ATG9B: variants seen among roughly 807,000 people sequenced by gnomAD.
The protein encoded by ATG9B is autophagy related 9B.
In ATG9B, 92 loss-of-function variants were observed where a neutral mutation model predicts 92.9. The ratio of observed to expected loss-of-function variants is 0.99; its 90% confidence interval spans 0.84 to 1.18. The LOEUF (loss-of-function observed/expected upper bound fraction) is 1.18. Among genes scored for constraint, ATG9B ranks in the 50% most tolerant of loss-of-function variants. ATG9B has a pLI of 0.00. For synonymous variants in ATG9B, 599 were observed against 551.4 expected (o/e 1.09, Z -1.21); for missense variants, 1,344 against 1,235.0 (o/e 1.09, Z -1.32).
chr7:151,014,102 A>G (rs1336567589), downstream of ATG9B: 2 of 1,613,658 alleles, frequency 1.2e-6, no homozygotes, highest in Non-Finnish European at 1.7e-6. Context: ...TCCTTGCAGG[A>G]GCGTCAGTTG....
At position 151,018,469 on chromosome 7, in the gene ATG9B, G is replaced by T; in HGVS notation, c.1719-22C>A. 1 of 1,521,186 alleles carries T rather than the reference G, an allele frequency of 6.6e-7. No individual in the cohort carries two copies. The allele number at this position is 1,521,186 out of a possible 1,614,324, so 94.2% of individuals were successfully genotyped here. On this transcript the variant is annotated intron_variant, in intron 6 of 13. Transcript: ENST00000639579. This position sits in a 1 kb window ranked among gnomAD's most constrained non-coding sequence, Gnocchi z 4.7. ...AGACCTGAAAGGCGGGATCCGTGGG[G>T]GGAAGGGGCCTGCGATTAGGAGGAC...
chr7:151,013,749 C>T (rs748809780), downstream of ATG9B: 6 of 1,610,276 alleles, frequency 3.7e-6, no homozygotes, highest in East Asian at 4.5e-5. Flanking sequence ...ATCCTGAGGA[C>T]GGAGCTGGCT....
chr7:151,024,255 G>A lies in ATG9B; in HGVS notation c.169C>T (p.Pro57Ser), dbSNP rs1318657984. Residue 57 changes from proline to serine, a missense_variant, in exon 1 of 14, where the codon CCT (proline) becomes TCT (serine). Transcript: ENST00000639579. Reference sequence around the variant, plus strand: ...GAGGAGGGGGAGCTTCTTGTATGAGGGGCAGGGGACAGAGAGAAGATGGAG... The same window carrying A: ...GAGGAGGGGGAGCTTCTTGTATGAGAGGCAGGGGACAGAGAGAAGATGGAG... ...RISIFSLSPAPHTRSSPSSFS... is the reference protein window; with the variant it reads ...RISIFSLSPASHTRSSPSSFS... 2 of 1,471,816 alleles carry A rather than the reference G, an allele frequency of 1.4e-6. No individual in the cohort carries two copies. The highest frequency in any genetic ancestry group is 2.6e-5 in the Admixed American group (1 of 39,124). The allele number at this position is 1,471,816 out of a possible 1,614,324, so 91.2% of individuals were successfully genotyped here.
intron 4 of ATG9B, 24 bp from the exon 5 acceptor site, chr7:151,021,353 G>C (rs564902557): frequency 1.5e-5 from 23 of 1,556,172 alleles, no homozygotes; most frequent in Middle Eastern, 3.8e-4. Flanking sequence ...GGCGGGCAGT[G>C]GGGGAGAAAG....
chr7:151,024,130 T>TG lies in ATG9B; in HGVS notation c.293dup (p.Thr99AsnfsTer50), dbSNP rs770350293. On this transcript the variant is annotated frameshift_variant, in exon 1 of 14. Transcript: ENST00000639579. LOFTEE classifies it high-confidence loss of function. Reference sequence around the variant, plus strand: ...GTGTCATTGCAGGTTGAGCCTGTGTTGGGGGGGTGGCTGGGATAGGGAGAG... The same window carrying TG: ...GTGTCATTGCAGGTTGAGCCTGTGTTGGGGGGGGTGGCTGGGATAGGGAGAG... 4.2e-5 allele frequency: 67 copies of TG among 1,590,786 alleles called. No homozygotes were observed. The highest frequency in any genetic ancestry group is 1.3e-4 in the African/African-American group (10 of 74,168).
Position 151,017,121 on chromosome 7 carries a change from A to G in ATG9B, c.2204T>C (p.Val735Ala). The part of the protein sequence containing the change: ...SKFLGHLWGR[V>A]QQDAAAWGAT... ...ACCCCAGGCAGCTGCATCTTGTTGT[A>G]CTCGGCCCCAGAGGTGCCCAAGAAA... The change falls in exon 9 of 14, where the codon GTA becomes GCA. Residue 735 changes from valine (V) to alanine (A), a missense_variant. Coordinates refer to ENST00000639579, the MANE Select transcript of ATG9B (RefSeq NM_001317056.2). 1.2e-6 allele frequency: 2 copies of G among 1,612,372 alleles called. No individual in the cohort carries two copies. The highest frequency in any genetic ancestry group is 1.7e-6 in the Non-Finnish European group (2 of 1,179,660).
At chr7:151,012,979 G>C, downstream of ATG9B, 1 of 520,800 alleles carries the variant, frequency 1.9e-6, no homozygotes, top group Non-Finnish European at 3.4e-6. Context: ...TTCTGAGTCC[G>C]AAGCCGCGCA....
At chr7:151,013,685 A>ACCCCCACCAGGGCCCG, downstream of ATG9B, 1 of 702,370 alleles carries the variant, frequency 1.4e-6, no homozygotes, top group Non-Finnish European at 2.3e-6. Flanking sequence ...CCCCGCGCCC[A>ACCCCCACCAGGGCCCG]CCCCCACCAG....
chr7:151,020,013 A>C (rs951427104), intron 5 of ATG9B: 1 of 152,292 alleles, frequency 6.6e-6, no homozygotes, highest in Non-Finnish European at 1.5e-5. Flanking sequence ...AAACAAAAAA[A>C]CAAAAAACCA....
Position 151,018,151 on chromosome 7 carries a change from T to C in ATG9B, c.1873-101A>G, listed in dbSNP as rs1311103185. 2.0e-6 allele frequency: 3 copies of C among 1,465,836 alleles called. No individual in the cohort carries two copies. The highest frequency in any genetic ancestry group is 2.7e-6 in the Non-Finnish European group (3 of 1,107,820). The allele number at this position is 1,465,836 out of a possible 1,614,324, so 90.8% of individuals were successfully genotyped here. ...GCGACCCTCGCCAGGGCAAGAAGCC[T>C]CCCCACCCAGTCACTCCCTAGACTC... On this transcript the variant is annotated intron_variant, in intron 7 of 13. Coordinates refer to ENST00000639579, the MANE Select transcript of ATG9B (RefSeq NM_001317056.2). The surrounding 1 kb of genome is among the most constrained non-coding windows in gnomAD (Gnocchi z 4.7).
intron 5 of ATG9B, chr7:151,020,916 TA>T: frequency 3.0e-6 from 1 of 333,604 alleles, no homozygotes; most frequent in South Asian, 5.7e-5. Context: ...CTCTTTTCTC[TA>T]ATCAATGTTT....
intron 11 of ATG9B, 55 bp from the exon 12 acceptor site, chr7:151,016,290 C>A: frequency 3.4e-6 from 5 of 1,475,384 alleles, no homozygotes; most frequent in African/African-American, 1.4e-5. Flanking sequence ...CAGGGCCAAG[C>A]ACCTGGGCTA....
intron 8 of ATG9B, 48 bp downstream of exon 8, chr7:151,017,823 C>A (rs764095506): frequency 1.3e-6 from 2 of 1,511,214 alleles, no homozygotes; most frequent in Non-Finnish European, 1.8e-6. Flanking sequence ...GAGAGGCAAG[C>A]GAACTCCCAC....
intron 10 of ATG9B, 32 bp downstream of exon 10, chr7:151,016,656 C>A (rs1424656814): frequency 6.4e-7 from 1 of 1,551,870 alleles, no homozygotes; most frequent in Admixed American, 1.9e-5. Flanking sequence ...CCCCCCTCCA[C>A]ATGCCCCTGC....
Position 151,023,029 on chromosome 7 carries a change from C to T in ATG9B, c.821+16G>A, listed in dbSNP as rs754019419. ...CCCATGCTTCACCCCCAGGGCCCCACCAGGTTGTCACTAACCTCTCAGCAC... is the reference window on the plus strand; with the variant it reads ...CCCATGCTTCACCCCCAGGGCCCCATCAGGTTGTCACTAACCTCTCAGCAC... On this transcript the variant is annotated intron_variant, in intron 4 of 13. Coordinates refer to ENST00000639579, the MANE Select transcript of ATG9B (RefSeq NM_001317056.2). 6.2e-7 allele frequency: 1 copy of T among 1,614,022 alleles called. No individual in the cohort carries two copies. The highest frequency in any genetic ancestry group is 2.2e-5 in the East Asian group (1 of 44,882).
downstream of ATG9B, chr7:151,013,371 A>G (rs1410531393): frequency 1.2e-6 from 2 of 1,612,906 alleles, no homozygotes; most frequent in Middle Eastern, 1.6e-4. Context: ...GGAACCTGAC[A>G]ACCCCAAGGT....
rs957715999 is a variant in ATG9B, at chr7:151,017,802, G to C, written c.2052+69C>G. ...GCAATGGAGCCAGGGCTGGAACTCA[G>C]GTCTGCTCCCGAGAGGCAAGCGAAC... is the stretch of plus-strand genomic sequence containing the variant. On this transcript the variant is annotated intron_variant, in intron 8 of 13. Coordinates refer to ENST00000639579, the MANE Select transcript of ATG9B (RefSeq NM_001317056.2). 4.6e-5 allele frequency: 67 copies of C among 1,465,278 alleles called. No individual in the cohort carries two copies. In the East Asian group the frequency reaches 1.7e-3, roughly 36 times the overall value. 90.8% of individuals were successfully genotyped at this position (1,465,278 alleles called of 1,614,324 possible).
chr7:151,013,778 C>A, downstream of ATG9B: 1 of 1,611,658 alleles, frequency 6.2e-7, no homozygotes, highest in Non-Finnish European at 8.5e-7. Flanking sequence ...GCACCGCGTG[C>A]TGTGCCTCGA....
At chr7:151,023,273 C>G in intron 3 of ATG9B, 67 bp from the exon 4 acceptor site, 8 of 1,609,250 alleles carry the variant, frequency 5.0e-6, no homozygotes, top group Non-Finnish European at 6.8e-6. Flanking sequence ...GGCTCCTGCC[C>G]CAGCCCCCAG....
Sources: allele counts gnomAD v4.1 joint callset, GRCh38; gene constraint gnomAD v4.1.1; non-coding constraint Gnocchi (gnomAD v3.1); transcripts MANE v1.5; gene names NCBI Gene and HGNC (gene_info 2026-07-23, HGNC 2026-07-21).